PCCA: variants seen among roughly 807,000 people sequenced by gnomAD.
PCCA encodes propionyl-CoA carboxylase alpha chain, mitochondrial.
Under a neutral mutation model 101.3 loss-of-function variants are expected in PCCA, and 74 were observed. That is an observed-to-expected ratio of 0.73 (90% CI 0.61 to 0.89). The LOEUF is 0.89. Among genes scored for constraint, PCCA ranks in the 40% least tolerant of loss-of-function variants. The probability of loss-of-function intolerance (pLI) is 0.00; values close to 1 mark genes in which losing one functional copy is unlikely to be tolerated. For missense variants in PCCA, 891 were observed against 907.0 expected (o/e 0.98, Z 0.23); for synonymous variants, 294 against 313.6 (o/e 0.94, Z 0.66).
chr13:100,464,362 T>C (rs1034835378), intron 21 of PCCA: 3 of 152,216 alleles, frequency 2.0e-5, no homozygotes, highest in African/African-American at 4.8e-5. Context: ...AGAATAGATA[T>C]TATCTGCTTT....
intron 17 of PCCA, among the ~76,000 whole-genome samples, chr13:100,333,675 A>T (rs1164639963): frequency 1.3e-5 from 2 of 152,198 alleles, no homozygotes; most frequent in Admixed American, 1.3e-4. Context: ...TATAATGAAC[A>T]TTTTGGGCTT....
intron 22 of PCCA, among the ~76,000 whole-genome samples, chr13:100,517,024 T>C (rs1017650102): frequency 6.9e-6 from 1 of 144,786 alleles, no homozygotes; most frequent in African/African-American, 2.5e-5. Flanking sequence ...CACTCCTAAT[T>C]GTGTGGCTTT....
chr13:100,401,561 T>A (rs1239415252), intron 19 of PCCA, among the ~76,000 whole-genome samples: 1 of 152,072 alleles, frequency 6.6e-6, no homozygotes, highest in East Asian at 1.9e-4. Flanking sequence ...TTTGTGTTTT[T>A]TTTATTTTTT....
intron 20 of PCCA, among the ~76,000 whole-genome samples, chr13:100,439,000 C>T (rs1282739398): frequency 1.3e-5 from 2 of 152,120 alleles, no homozygotes; most frequent in African/African-American, 4.8e-5. Flanking sequence ...TTGGGTTTAA[C>T]AGAAAATTAC....
At chr13:100,216,573 G>A (rs1265278464) in intron 7 of PCCA, among the ~76,000 whole-genome samples, 1 of 152,138 alleles carries the variant, frequency 6.6e-6, no homozygotes, top group Non-Finnish European at 1.5e-5. Context: ...GGTATTTGTT[G>A]AATGAATAAT....
At chr13:100,173,022 A>G (rs1399066873) in intron 6 of PCCA, among the ~76,000 whole-genome samples, 1 of 151,642 alleles carries the variant, frequency 6.6e-6, no homozygotes, top group Non-Finnish European at 1.5e-5. Context: ...ACCCATCCTT[A>G]TTTTTTCCCC....
chr13:100,273,145 A>T, intron 11 of PCCA, 51 bp from the exon 12 acceptor site: 7 of 1,427,830 alleles, frequency 4.9e-6, no homozygotes, highest in Non-Finnish European at 6.9e-6. Context: ...CACACAAAAG[A>T]TAACTTGATT....
At chr13:100,446,839 AT>A (rs891662711) in intron 20 of PCCA, among the ~76,000 whole-genome samples, 3 of 152,208 alleles carry the variant, frequency 2.0e-5, no homozygotes, top group African/African-American at 4.8e-5. Flanking sequence ...CTGTAACATA[AT>A]TTTTTACAAG....
intron 4 of PCCA, among the ~76,000 whole-genome samples, chr13:100,152,036 C>CA (rs1478048265): frequency 1.3e-5 from 2 of 152,138 alleles, no homozygotes; most frequent in African/African-American, 4.8e-5. Context: ...ACAATGACAA[C>CA]AAAATTGAAA....
At chr13:100,176,803 A>G (rs965424279) in intron 6 of PCCA, among the ~76,000 whole-genome samples, 3 of 152,210 alleles carry the variant, frequency 2.0e-5, no homozygotes, top group Non-Finnish European at 1.5e-5. Flanking sequence ...GAGGAGCAAC[A>G]TGGAAAATGT....
At chr13:100,240,813 T>C (rs2061080118) in intron 8 of PCCA, among the ~76,000 whole-genome samples, 1 of 152,186 alleles carries the variant, frequency 6.6e-6, no homozygotes, top group Admixed American at 6.5e-5. Flanking sequence ...ATTAAATACT[T>C]CAACATGTGT....
At chr13:100,526,662 C>T (rs1197378469) in intron 22 of PCCA, among the ~76,000 whole-genome samples, 1 of 152,250 alleles carries the variant, frequency 6.6e-6, no homozygotes, top group Non-Finnish European at 1.5e-5. Context: ...TAGCCATTGC[C>T]CTAGGAACCT....
chr13:100,482,749 A>C (rs2084048659), intron 21 of PCCA, among the ~76,000 whole-genome samples: 1 of 152,092 alleles, frequency 6.6e-6, no homozygotes, highest in Non-Finnish European at 1.5e-5. Flanking sequence ...CCACGGGTGC[A>C]GTGGCTCACG....
chr13:100,348,914 CTTTT>C (rs2072883567), intron 18 of PCCA, among the ~76,000 whole-genome samples: 1 of 70,844 alleles, frequency 1.4e-5, no homozygotes, highest in Non-Finnish European at 3.1e-5. Context: ...TCCTTCCTTT[CTTTT>C]CTTTTCTTTT....
chr13:100,517,555 G>GGGGCCTAC (rs1457962573), intron 22 of PCCA, among the ~76,000 whole-genome samples: 1 of 152,146 alleles, frequency 6.6e-6, no homozygotes, highest in African/African-American at 2.4e-5. Context: ...GCAGAGCAAC[G>GGGGCCTAC]GGGCCTATAT....
At chr13:100,373,553 GAT>G (rs1319185956) in intron 19 of PCCA, among the ~76,000 whole-genome samples, 1 of 152,190 alleles carries the variant, frequency 6.6e-6, no homozygotes, top group Non-Finnish European at 1.5e-5. Context: ...TAGTCAGACT[GAT>G]AGAGACAGAA....
At chr13:100,150,757 C>T in intron 4 of PCCA, 3 of 1,590,368 alleles carry the variant, frequency 1.9e-6, no homozygotes, top group African/African-American at 1.3e-5. Context: ...TCAGGACTCT[C>T]AAAGCCCCAC....
At chr13:100,253,042 T>C (rs2061856280) in intron 8 of PCCA, among the ~76,000 whole-genome samples, 1 of 152,218 alleles carries the variant, frequency 6.6e-6, no homozygotes, top group African/African-American at 2.4e-5. Flanking sequence ...TAAATACTAG[T>C]TTTCTCAGAG....
intron 6 of PCCA, among the ~76,000 whole-genome samples, chr13:100,186,143 G>A (rs12428913): frequency 6.6e-6 from 1 of 152,138 alleles, no homozygotes; most frequent in African/African-American, 2.4e-5. Flanking sequence ...CATTGAATTA[G>A]GCAATCAGTG....
Sources: allele counts gnomAD v4.1 joint callset (sites outside exome capture counted in the v4.1 genomes callset), GRCh38; gene constraint gnomAD v4.1.1; transcripts MANE v1.5; gene names NCBI Gene and HGNC (gene_info 2026-07-23, HGNC 2026-07-21).